The following ARMC2 variants were observed in gnomAD, a reference collection of about 807,000 sequenced individuals.
ARMC2 encodes the protein armadillo repeat-containing protein 2.
Under a neutral mutation model 90.3 loss-of-function variants are expected in ARMC2, and 67 were observed. That is an observed-to-expected ratio of 0.74 (90% CI 0.61 to 0.91). The LOEUF (loss-of-function observed/expected upper bound fraction) is 0.91. Ranked by LOEUF, ARMC2 falls within the 40% of genes least tolerant of loss-of-function variation. The pLI, the probability that ARMC2 is intolerant of heterozygous loss-of-function variation, is 0.00. For missense variants in ARMC2, 920 were observed against 1,030.9 expected (o/e 0.89, Z 1.47); for synonymous variants, 393 against 393.0 (o/e 1.00, Z 0.00).
At chr6:109,001,544 G>T in the ARMC2 span, 1 of 1,433,842 alleles carries the variant, frequency 7.0e-7, no homozygotes, top group East Asian at 2.3e-5. Flanking sequence ...GTTAAGGGAA[G>T]AAAATATACA....
the ARMC2 span, among the ~76,000 whole-genome samples, chr6:109,020,571 A>C: frequency 6.6e-6 from 1 of 152,212 alleles, no homozygotes; most frequent in African/African-American, 2.4e-5. Context: ...AACAAATTGC[A>C]CAGTGCAATT....
chr6:108,970,576 C>T (rs868669100), intron 17 of ARMC2, among the ~76,000 whole-genome samples: 1 of 145,668 alleles, frequency 6.9e-6, no homozygotes, highest in Non-Finnish European at 1.5e-5. Context: ...TGGCTCACTG[C>T]ACTCTCTGCC....
chr6:108,926,124 A>G lies in ARMC2; in HGVS notation c.1351-1964A>G, dbSNP rs371795367. Among the ~76,000 whole-genome samples, 12 of 152,260 alleles carry G rather than the reference A, an allele frequency of 7.9e-5. No individual in the cohort carries two copies. In the East Asian group the frequency reaches 1.9e-3, roughly 25 times the overall value. ...AGATGTGGGGAGCGTGAAGATGACT[A>G]TGGATTGGGATGTCCCATCTTTGAT... On this transcript the variant is annotated intron_variant, in intron 10 of 17. Transcript: ENST00000392644.
At chr6:108,901,098 ATTTTTTTTTTTTTTTTTTTTTT>A (rs1173637475) in intron 7 of ARMC2, among the ~76,000 whole-genome samples, 2 of 59,336 alleles carry the variant, frequency 3.4e-5, no homozygotes, top group Admixed American at 2.4e-4. Flanking sequence ...GAAAGAAGGA[ATTTTTTTTTTTTTTTTTTTTTT>A]TTTTTTTTTT....
the ARMC2 span, chr6:108,998,681 A>G: frequency 9.8e-5 from 158 of 1,613,892 alleles, 1 homozygote; most frequent in South Asian, 1.7e-3. Context: ...CAAGAGAATG[A>G]TAGTGTGTGA....
the ARMC2 span, chr6:109,009,078 A>T: frequency 3.4e-6 from 3 of 888,428 alleles, no homozygotes; most frequent in African/African-American, 1.8e-5. Flanking sequence ...TTTCATTTAC[A>T]TGACCGCGGC....
At chr6:108,901,097 A>ATTTT (rs1772092073) in intron 7 of ARMC2, among the ~76,000 whole-genome samples, 1 of 101,358 alleles carries the variant, frequency 9.9e-6, no homozygotes, top group African/African-American at 3.4e-5. Flanking sequence ...GGAAAGAAGG[A>ATTTT]ATTTTTTTTT....
rs1778881691 is a variant in ARMC2, at chr6:108,973,271, A to G, written c.2447-86A>G. The G allele has an allele frequency of 4.3e-6, 5 of 1,165,044 alleles. No individual in the cohort carries two copies. In the Admixed American group the frequency reaches 1.4e-4, roughly 32 times the overall value. The allele number at this position is 1,165,044 out of a possible 1,614,324, so 72.2% of individuals were successfully genotyped here. On this transcript the variant is annotated intron_variant, in intron 17 of 17. Transcript: ENST00000392644. ...TGGTATTAAAGGACGACCCAGGGTGAGTTTAACTCATATCATCAAAATTAA... is the reference window on the plus strand; with the variant it reads ...TGGTATTAAAGGACGACCCAGGGTGGGTTTAACTCATATCATCAAAATTAA...
At chr6:108,929,067 C>T (rs1775326101) in intron 11 of ARMC2, among the ~76,000 whole-genome samples, 2 of 151,972 alleles carry the variant, frequency 1.3e-5, no homozygotes, top group African/African-American at 4.8e-5. Flanking sequence ...GGCTTGGGGT[C>T]TCGACAATCA....
At chr6:109,010,815 A>G in the ARMC2 span, among the ~76,000 whole-genome samples, 1 of 152,366 alleles carries the variant, frequency 6.6e-6, no homozygotes, top group South Asian at 2.1e-4. Flanking sequence ...GCACAGCCAC[A>G]AAAACAAACA....
intron 8 of ARMC2, among the ~76,000 whole-genome samples, chr6:108,906,299 A>G (rs758867297): frequency 1.6e-4 from 24 of 152,166 alleles, no homozygotes; most frequent in South Asian, 4.1e-4. Flanking sequence ...TACAGGGTAA[A>G]AAAAGAAAAG....
chr6:108,962,793 G>C lies in ARMC2; in HGVS notation c.2152+666G>C, dbSNP rs189923059. Among the ~76,000 whole-genome samples the C allele has an allele frequency of 1.6e-4, 25 of 152,152 alleles. No individual in the cohort carries two copies. In the East Asian group the frequency reaches 2.5e-3, roughly 15 times the overall value. On this transcript the variant is annotated intron_variant, in intron 15 of 17. Transcript: ENST00000392644. Reference sequence around the variant, plus strand: ...GCTAAGGTGGGAGGATTGCTTGAGGGCACGAGTTTGAGATCAACCTGGGTA... The same window carrying C: ...GCTAAGGTGGGAGGATTGCTTGAGGCCACGAGTTTGAGATCAACCTGGGTA...
chr6:109,046,859 A>C, the ARMC2 span, among the ~76,000 whole-genome samples: 574 of 125,582 alleles, frequency 4.6e-3, 14 homozygotes, highest in East Asian at 0.082. Context: ...ACCACCCCGT[A>C]TGAGAAGTGA....
At chr6:108,918,594 C>T (rs1302758727) in intron 10 of ARMC2, among the ~76,000 whole-genome samples, 6 of 152,110 alleles carry the variant, frequency 3.9e-5, no homozygotes, top group Non-Finnish European at 8.8e-5. Context: ...GTTCATTCAA[C>T]CCTGGACAAT....
At position 108,862,361 on chromosome 6, in the gene ARMC2, A is replaced by C. The variant is rs866755410; in HGVS notation, c.291+4090A>C. On this transcript the variant is annotated intron_variant, in intron 3 of 17. Coordinates refer to ENST00000392644, the MANE Select transcript of ARMC2 (RefSeq NM_032131.6). Reference sequence around the variant, plus strand: ...TCATCTCAAAAAAAAAAAAAAAACAAAAAAAACAAACAAAACCAAAAAGCA... The same window carrying C: ...TCATCTCAAAAAAAAAAAAAAAACACAAAAAACAAACAAAACCAAAAAGCA... Among the ~76,000 whole-genome samples the C allele has an allele frequency of 5.8e-4, 85 of 146,978 alleles. 2 individuals are homozygous for C. Among genetic ancestry groups the C allele is most frequent in the Middle Eastern group, 3.4e-3 (1 of 292 alleles).
intron 13 of ARMC2, among the ~76,000 whole-genome samples, chr6:108,960,875 C>T (rs1274016734): frequency 1.3e-5 from 2 of 152,072 alleles, no homozygotes; most frequent in African/African-American, 4.8e-5. Flanking sequence ...CCTTGGGGGT[C>T]TGGGAGTAGG....
At chr6:109,016,429 T>TA in the ARMC2 span, among the ~76,000 whole-genome samples, 2 of 152,204 alleles carry the variant, frequency 1.3e-5, no homozygotes, top group African/African-American at 4.8e-5. Context: ...TATAATCCTT[T>TA]AAACCACCTT....
chr6:108,850,646 T>C (rs1773910152), intron 1 of ARMC2, among the ~76,000 whole-genome samples: 1 of 152,230 alleles, frequency 6.6e-6, no homozygotes, highest in Non-Finnish European at 1.5e-5. Context: ...AAGGTCCAGA[T>C]TTCATAATTC....
At chr6:109,046,790 T>C in the ARMC2 span, among the ~76,000 whole-genome samples, 3 of 133,440 alleles carry the variant, frequency 2.2e-5, no homozygotes, top group African/African-American at 8.4e-5. Flanking sequence ...GTCTGGGAGG[T>C]GAGGAGCGTC....
Sources: gnomAD v4.1 joint callset for allele counts (sites outside exome capture counted in the v4.1 genomes callset) on GRCh38, gnomAD v4.1.1 for gene constraint, MANE v1.5 for transcripts, NCBI Gene and HGNC (gene_info 2026-07-23, HGNC 2026-07-21) for gene names.